Variants in TASP1 observed in about 807,000 individuals in gnomAD.
TASP1 encodes the protein taspase 1.
Under a neutral mutation model 56.6 loss-of-function variants are expected in TASP1, and 16 were observed. The ratio of observed to expected loss-of-function variants is 0.28; its 90% CI spans 0.19 to 0.43. The LOEUF (loss-of-function observed/expected upper bound fraction) is 0.43, where lower values mean the gene tolerates loss of function less well. Among genes scored for constraint, TASP1 ranks in the 20% least tolerant of loss-of-function variants. The pLI is 1.00. For missense variants in TASP1, 393 were observed against 511.6 expected (o/e 0.77, Z 2.24); for synonymous variants, 179 against 184.2 (o/e 0.97, Z 0.23).
At chr20:13,227,956 TGCC>T in the TASP1 span, among the ~76,000 whole-genome samples, 2 of 148,856 alleles carry the variant, frequency 1.3e-5, no homozygotes, top group Non-Finnish European at 3.0e-5. Context: ...TAGCTGCTGC[TGCC>T]TTTTTTTTTT....
Position 13,417,521 on chromosome 20 carries a change from A to G in TASP1, c.1097T>C (p.Val366Ala). Reference protein sequence around the residue: ...DSSQNKQTLLVEFLWSHTTES... With the variant: ...DSSQNKQTLLAEFLWSHTTES... Reference sequence around the variant, plus strand: ...CGTCGTGTGGCTCCACAGAAATTCCACTGCCATAAAAGAGAACACAAATAG... The same window carrying G: ...CGTCGTGTGGCTCCACAGAAATTCCGCTGCCATAAAAGAGAACACAAATAG... Residue 366 changes from valine (V) to alanine (A), a missense_variant and splice_region_variant, in exon 13 of 14, where the codon GTG becomes GCG. Physicochemically the swap from Val to Ala is moderately conservative, Grantham distance 64. Coordinates refer to ENST00000337743, the MANE Select transcript of TASP1 (RefSeq NM_017714.3). 6.2e-7 allele frequency: 1 copy of G among 1,614,034 alleles called. No homozygotes were observed. The highest frequency in any genetic ancestry group is 8.5e-7 in the Non-Finnish European group (1 of 1,179,978).
chr20:13,352,957 G>A, the TASP1 span, among the ~76,000 whole-genome samples: 40 of 151,960 alleles, frequency 2.6e-4, no homozygotes, highest in Non-Finnish European at 5.4e-4. Flanking sequence ...CTTCCCTGGA[G>A]CGGGCAAGGT....
rs993513460 is a variant in TASP1, at chr20:13,588,927, T to C, written c.283-1557A>G. 2.6e-5 allele frequency among the ~76,000 whole-genome samples: 4 copies of C among 152,066 alleles called. 1 individual carries two copies. Among genetic ancestry groups the C allele is most frequent in the East Asian group, 1.9e-4 (1 of 5,190 alleles). On this transcript the variant is annotated intron_variant, in intron 4 of 13. Coordinates refer to ENST00000337743, the MANE Select transcript of TASP1 (RefSeq NM_017714.3). ...CTACAGTAATCAAGACAGTGTAATA[T>C]AGACATATAGCTAAGGATAGATATA...
chr20:13,388,966 G>A (rs191926843), downstream of TASP1, among the ~76,000 whole-genome samples: 25 of 152,212 alleles, frequency 1.6e-4, no homozygotes, highest in Non-Finnish European at 3.5e-4. Flanking sequence ...ATTACATGGT[G>A]CAGGGCACTT....
chr20:13,438,355 T>A (rs2043087990), intron 11 of TASP1, among the ~76,000 whole-genome samples: 2 of 152,110 alleles, frequency 1.3e-5, no homozygotes, highest in African/African-American at 4.8e-5. Context: ...ATGCCACATA[T>A]CTACAACCAT....
At chr20:13,433,231 G>C (rs1234052044) in intron 12 of TASP1, among the ~76,000 whole-genome samples, 1 of 152,020 alleles carries the variant, frequency 6.6e-6, no homozygotes, top group African/African-American at 2.4e-5. Flanking sequence ...GTGGTGTTTG[G>C]TTTTCTGTTC....
the TASP1 span, among the ~76,000 whole-genome samples, chr20:13,336,519 G>A: frequency 3.6e-4 from 55 of 152,140 alleles, no homozygotes; most frequent in Admixed American, 3.6e-3. Flanking sequence ...TCAGGACTCT[G>A]ATGCCTATGA....
the TASP1 span, among the ~76,000 whole-genome samples, chr20:13,129,325 T>C: frequency 6.6e-6 from 1 of 152,200 alleles, no homozygotes; most frequent in Non-Finnish European, 1.5e-5. Context: ...TTTAACCTTT[T>C]AACATTGAAG....
chr20:13,528,925 G>A (rs921552859), intron 9 of TASP1, among the ~76,000 whole-genome samples: 4 of 152,126 alleles, frequency 2.6e-5, no homozygotes, highest in Non-Finnish European at 4.4e-5. Flanking sequence ...CTGATTCCTG[G>A]AAATTCTGAC....
At chr20:13,371,510 G>C in the TASP1 span, among the ~76,000 whole-genome samples, 1 of 152,096 alleles carries the variant, frequency 6.6e-6, no homozygotes, top group Non-Finnish European at 1.5e-5. Flanking sequence ...GTGATCAGAG[G>C]ACGTATATTG....
At chr20:13,133,792 T>A in the TASP1 span, among the ~76,000 whole-genome samples, 2 of 152,196 alleles carry the variant, frequency 1.3e-5, no homozygotes, top group Non-Finnish European at 1.5e-5. Context: ...GTCCAGTGAT[T>A]GTAGGCTGGA....
chr20:13,408,513 A>T (rs28867078), intron 13 of TASP1, among the ~76,000 whole-genome samples: 12,635 of 152,176 alleles, frequency 0.083, 996 homozygotes, highest in African/African-American at 0.21. Flanking sequence ...CTTGTCTCAT[A>T]AAATGGGTTG....
At chr20:13,355,629 C>T in the TASP1 span, among the ~76,000 whole-genome samples, 74 of 152,324 alleles carry the variant, frequency 4.9e-4, no homozygotes, top group African/African-American at 1.5e-3. Context: ...CAAGCCTCAG[C>T]GTGCTTTCTC....
intron 13 of TASP1, among the ~76,000 whole-genome samples, chr20:13,397,075 A>G (rs142607162): frequency 1.7e-4 from 26 of 152,358 alleles, no homozygotes; most frequent in East Asian, 9.6e-4. Context: ...AGCCCAGTGA[A>G]GATACTCACA....
chr20:13,158,790 A>G, the TASP1 span, among the ~76,000 whole-genome samples: 14 of 152,274 alleles, frequency 9.2e-5, no homozygotes, highest in Admixed American at 5.9e-4. Flanking sequence ...CTGATAACCT[A>G]TGTTCTATCT....
chr20:13,197,242 T>G, the TASP1 span, among the ~76,000 whole-genome samples: 2 of 152,230 alleles, frequency 1.3e-5, no homozygotes, highest in African/African-American at 4.8e-5. Flanking sequence ...TTGTTTCATC[T>G]GGTAAGAGTG....
intron 13 of TASP1, among the ~76,000 whole-genome samples, chr20:13,412,340 G>A (rs532257218): frequency 1.4e-4 from 22 of 152,178 alleles, no homozygotes; most frequent in Non-Finnish European, 2.2e-4. Context: ...AAAGCAATCA[G>A]AGGTTTTTGT....
the TASP1 span, among the ~76,000 whole-genome samples, chr20:13,169,461 T>C: frequency 6.6e-6 from 1 of 152,110 alleles, no homozygotes; most frequent in African/African-American, 2.4e-5. Flanking sequence ...ATTTGAACTA[T>C]GATGTTATCA....
chr20:13,633,743 C>G (rs2147617018), intron 1 of TASP1, among the ~76,000 whole-genome samples: 1 of 151,884 alleles, frequency 6.6e-6, no homozygotes, highest in South Asian at 2.1e-4. Context: ...AGAAAAATGT[C>G]TAATACTTCA....
Sources: allele counts gnomAD v4.1 joint callset (sites outside exome capture counted in the v4.1 genomes callset), GRCh38; gene constraint gnomAD v4.1.1; transcripts MANE v1.5; gene names NCBI Gene and HGNC (gene_info 2026-07-23, HGNC 2026-07-21).